Variants in KCNJ15 observed in about 807,000 individuals in gnomAD.
The protein encoded by KCNJ15 is ATP-sensitive inward rectifier potassium channel 15.
KCNJ15 carries 14 observed loss-of-function variants against 23.0 expected under a neutral mutation model. The observed-to-expected ratio is 0.61, with a 90% CI of 0.40 to 0.95. The LOEUF is 0.95. KCNJ15 is among the 40% of genes least tolerant of loss of function. KCNJ15 has a pLI of 0.00. For synonymous variants in KCNJ15, 185 were observed against 183.2 expected, an observed-to-expected ratio of 1.01 and a Z score of -0.08; for missense variants, 388 against 461.8, an observed-to-expected ratio of 0.84 and a Z score of 1.46.
intron 1 of KCNJ15, among the ~76,000 whole-genome samples, chr21:38,268,550 GAAAAAAA>G (rs576709021): frequency 1.3e-4 from 6 of 47,234 alleles, no homozygotes; most frequent in South Asian, 1.2e-3. Flanking sequence ...CTTAAAATCT[GAAAAAAA>G]AAAAAAAAAA....
At position 38,245,341 on chromosome 21, in the gene KCNJ15, T is replaced by TA. The variant is rs910742079; in HGVS notation, c.-398-11694dup. ...AATGAAATCAGAATCTCTTGGACAT[T>TA]AAAAAAAAAAATGAGTGATTCTTTC... On this transcript the variant is annotated intron_variant, in intron 1 of 4. Transcript: ENST00000547341. Among the ~76,000 whole-genome samples, 392 of 145,874 alleles carry TA rather than the reference T, an allele frequency of 2.7e-3. 1 individual carries two copies. The highest frequency in any genetic ancestry group is 8.4e-3 in the African/African-American group (337 of 40,020).
chr21:38,300,071 A>G lies in KCNJ15; in HGVS notation c.810A>G (p.Gln270=). ...GCCCCCTGAGAGACCTCACACCCCA[A>G]AACCTAAAGGAGAAGGAGTTTGAGC... ...ETSPLRDLTP[Q]NLKEKEFELV... is the part of the protein sequence containing the mutation. Residue 270 remains glutamine (Q), a synonymous_variant, in exon 3 of 3, where the codon CAA becomes CAG. Transcript: ENST00000398938. 2 of 1,614,102 alleles carry G rather than the reference A, an allele frequency of 1.2e-6. No homozygotes were observed. The highest frequency in any genetic ancestry group is 1.7e-6 in the Non-Finnish European group (2 of 1,179,998).
chr21:38,282,338 G>A (rs574462342), intron 1 of KCNJ15, among the ~76,000 whole-genome samples: 2 of 152,210 alleles, frequency 1.3e-5, no homozygotes, highest in Admixed American at 1.3e-4. Context: ...TGTCTATGAT[G>A]GTCAGTGTAC....
At chr21:38,278,624 G>C (rs1026055952) in intron 1 of KCNJ15, among the ~76,000 whole-genome samples, 39 of 152,248 alleles carry the variant, frequency 2.6e-4, no homozygotes, top group African/African-American at 8.9e-4. Context: ...CAAACCCATG[G>C]GAACAGGTGG....
At chr21:38,262,943 G>C (rs539528582) in intron 1 of KCNJ15, among the ~76,000 whole-genome samples, 35 of 152,280 alleles carry the variant, frequency 2.3e-4, no homozygotes, top group Non-Finnish European at 3.4e-4. Flanking sequence ...CTCCCAAAGT[G>C]CTGGGATTAC....
chr21:38,243,237 A>G (rs1343829543), intron 1 of KCNJ15, among the ~76,000 whole-genome samples: 1 of 152,002 alleles, frequency 6.6e-6, no homozygotes, highest in Non-Finnish European at 1.5e-5. Context: ...TTAAAGATGC[A>G]TCTGTTTATT....
At chr21:38,292,133 A>G (rs1251392983) in intron 1 of KCNJ15, among the ~76,000 whole-genome samples, 1 of 152,248 alleles carries the variant, frequency 6.6e-6, no homozygotes, top group Non-Finnish European at 1.5e-5. Context: ...GGGAGCAGAC[A>G]GAGCTGGTTT....
chr21:38,232,458 A>G (rs1978337938), intron 1 of KCNJ15, among the ~76,000 whole-genome samples: 1 of 151,552 alleles, frequency 6.6e-6, no homozygotes, highest in Admixed American at 6.6e-5. Flanking sequence ...TTAGTGCTCT[A>G]TTTTTTATGT....
intron 1 of KCNJ15, among the ~76,000 whole-genome samples, chr21:38,257,987 T>A (rs911958838): frequency 1.4e-4 from 22 of 152,180 alleles, no homozygotes; most frequent in African/African-American, 5.3e-4. Context: ...ATGTAGTATT[T>A]GACTGTGGAA....
chr21:38,235,268 C>T (rs1014272712), intron 1 of KCNJ15, among the ~76,000 whole-genome samples: 1 of 150,982 alleles, frequency 6.6e-6, no homozygotes, highest in African/African-American at 2.4e-5. Context: ...TAAAGTTGAG[C>T]TGGGACTGGG....
intron 1 of KCNJ15, among the ~76,000 whole-genome samples, chr21:38,232,867 C>A (rs1978363167): frequency 6.6e-6 from 1 of 151,942 alleles, no homozygotes; most frequent in African/African-American, 2.4e-5. Flanking sequence ...TATGGCCTAG[C>A]ATATGGACTG....
rs904948328 is a variant in KCNJ15 at position 38,305,677 on chromosome 21, A to C, written c.*5288A>C. On this transcript the variant is annotated 3_prime_UTR_variant, in exon 3 of 3. Coordinates refer to ENST00000398938, the MANE Select transcript of KCNJ15 (RefSeq NM_170736.3). ...TTACATGCAACCTTTTTTTCCCCAT[A>C]TATTACAAAATTGCCTTGGAAATTA... 1.3e-5 allele frequency: 2 copies of C among 152,170 alleles called. No individual in the cohort carries two copies. Among genetic ancestry groups the C allele is most frequent in the African/African-American group, 4.8e-5 (2 of 41,426 alleles). The allele number at this position is 152,170 out of a possible 1,614,324, so 9.4% of individuals were successfully genotyped here.
chr21:38,243,773 C>A (rs1412230949), intron 1 of KCNJ15, among the ~76,000 whole-genome samples: 1 of 152,154 alleles, frequency 6.6e-6, no homozygotes, highest in African/African-American at 2.4e-5. Flanking sequence ...CTGAAAACAG[C>A]CATAAACAAT....
intron 1 of KCNJ15, among the ~76,000 whole-genome samples, chr21:38,264,453 T>C (rs1298548432): frequency 6.6e-6 from 1 of 152,204 alleles, no homozygotes; most frequent in African/African-American, 2.4e-5. Context: ...CCCTTTTCCC[T>C]ACAGGGCTGC....
chr21:38,255,165 C>A (rs941488266), upstream of KCNJ15, among the ~76,000 whole-genome samples: 1 of 152,122 alleles, frequency 6.6e-6, no homozygotes, highest in Non-Finnish European at 1.5e-5. Context: ...TGGATCAGGA[C>A]CAGATCAGAT....
intron 1 of KCNJ15, among the ~76,000 whole-genome samples, chr21:38,250,646 G>A (rs1430988443): frequency 6.6e-6 from 1 of 152,182 alleles, no homozygotes; most frequent in African/African-American, 2.4e-5. Flanking sequence ...CAAACACCTG[G>A]CCTGTCCATT....
intron 1 of KCNJ15, among the ~76,000 whole-genome samples, chr21:38,280,586 G>A (rs915030816): frequency 3.3e-5 from 5 of 152,080 alleles, no homozygotes; most frequent in Admixed American, 6.5e-5. Flanking sequence ...GACTAGGTGT[G>A]GTCAAAATCT....
intron 1 of KCNJ15, among the ~76,000 whole-genome samples, chr21:38,266,378 A>C (rs985228255): frequency 6.6e-6 from 1 of 152,150 alleles, no homozygotes; most frequent in Admixed American, 6.5e-5. Context: ...TATGAATGAG[A>C]ATATGCGGTG....
upstream of KCNJ15, among the ~76,000 whole-genome samples, chr21:38,253,164 C>T (rs925009085): frequency 7.2e-5 from 11 of 152,172 alleles, no homozygotes; most frequent in Admixed American, 5.9e-4. Flanking sequence ...TGGCTTCTTC[C>T]CTTCCTGACT....
Sources: allele counts gnomAD v4.1 joint callset (sites outside exome capture counted in the v4.1 genomes callset), GRCh38; gene constraint gnomAD v4.1.1; transcripts MANE v1.5; gene names NCBI Gene and HGNC (gene_info 2026-07-23, HGNC 2026-07-21).